NBR1: variants seen among roughly 807,000 people sequenced by gnomAD.
NBR1 encodes the protein next to BRCA1 gene 1 protein.
A neutral mutation model predicts 115.5 loss-of-function variants in NBR1; 59 were observed. That is an observed-to-expected ratio of 0.51 (90% CI 0.41 to 0.63). NBR1 has a LOEUF of 0.63. NBR1 is among the 30% of genes least tolerant of loss of function. The pLI is 0.00. For missense variants in NBR1, 1,043 were observed against 1,150.5 expected (o/e 0.91, Z 1.35); for synonymous variants, 373 against 414.7 (o/e 0.90, Z 1.22).
At position 43,189,608 on chromosome 17, in the gene NBR1, C is replaced by A. The variant is rs36054317; in HGVS notation, c.501C>A (p.Asn167Lys). Residue 167 changes from asparagine to lysine, a missense_variant, in exon 8 of 21, where the codon AAC becomes AAA. Physicochemically the swap from Asn to Lys is moderately conservative, Grantham distance 94. Transcript: ENST00000590996. ...YLETFREQVV[N>K]ETVEKLEQKL... ...TCTAGTTCAGAGAACAAGTGGTTAA[C>A]GAAACGGTTGAGAAGCTTGAACAGA... The A allele has an allele frequency of 9.9e-6, 16 of 1,613,698 alleles. No homozygotes were observed.
At chr17:43,201,817 C>A (rs773102946) in intron 18 of NBR1, 37 bp downstream of exon 18, 2 of 1,202,452 alleles carry the variant, frequency 1.7e-6, no homozygotes, top group Non-Finnish European at 2.5e-6. Context: ...TTTTTCTCTG[C>A]TCCTGTCTAA....
intron 2 of NBR1, 104 bp downstream of exon 2, chr17:43,176,005 A>G (rs2056507392): frequency 3.1e-6 from 2 of 655,014 alleles, no homozygotes; most frequent in East Asian, 5.8e-5. Flanking sequence ...AGTCTGTCAT[A>G]GTTACCATTT....
At chr17:43,196,726 C>T in intron 15 of NBR1, 135 bp downstream of exon 15, 1 of 856,994 alleles carries the variant, frequency 1.2e-6, no homozygotes. Flanking sequence ...GTTTTGAAGT[C>T]TCCTCACCTT....
intron 16 of NBR1, among the ~76,000 whole-genome samples, chr17:43,197,394 C>T (rs1335167328): frequency 6.6e-6 from 1 of 151,982 alleles, no homozygotes; most frequent in Non-Finnish European, 1.5e-5. Context: ...TGGCGGGTGC[C>T]TGTAGTCCCA....
chr17:43,193,644 C>T lies in NBR1; in HGVS notation c.1524+6C>T. On this transcript the variant is annotated splice_donor_region_variant and intron_variant, in intron 12 of 20. Coordinates refer to ENST00000590996, the MANE Select transcript of NBR1 (RefSeq NM_005899.5). ...ATCTCACCTGCCAGCAAGAGGTGAG[C>T]ATTGACTGACAGGCTTTGGCCTAGT... is the stretch of plus-strand genomic sequence containing the variant. 1 of 1,601,090 alleles carries T rather than the reference C, an allele frequency of 6.2e-7. No homozygotes were observed. The highest frequency in any genetic ancestry group is 8.5e-7 in the Non-Finnish European group (1 of 1,173,040).
rs1423891979 is a variant in NBR1, at chr17:43,200,384, T to G, written c.2244T>G (p.Asp748Glu). The change falls in exon 17 of 21, where the codon GAT (aspartate) becomes GAG (glutamate). Residue 748 changes from aspartate (D) to glutamate (E), a missense_variant. By Grantham distance (45) the Asp-to-Glu change is conservative. Transcript: ENST00000590996. ...TTGATACCAGCCGCCCCCTGGGGGA[T>G]TCTATGTACAGCTCTGCGCTCTCAC... ...ECFDTSRPLG[D>E]SMYSSALSQP... The G allele has an allele frequency of 6.3e-7, 1 of 1,584,846 alleles. No individual in the cohort carries two copies. The highest frequency in any genetic ancestry group is 8.6e-7 in the Non-Finnish European group (1 of 1,165,760).
At chr17:43,179,076 A>G (rs906157888) in intron 3 of NBR1, among the ~76,000 whole-genome samples, 33 of 152,300 alleles carry the variant, frequency 2.2e-4, no homozygotes, top group Admixed American at 1.1e-3. Flanking sequence ...AAACTGAGGC[A>G]CAGAGAGGTG....
rs910582969 is a variant in NBR1, at chr17:43,182,983, C to T, written c.207+2166C>T. 4.6e-5 allele frequency among the ~76,000 whole-genome samples: 7 copies of T among 151,460 alleles called. 1 individual carries two copies. Among genetic ancestry groups the T allele is most frequent in the African/African-American group, 1.5e-4 (6 of 40,982 alleles). ...TTCACCATGTTGGCCAGGCTCATCTCGAACTCCTGACCTCCGGTGATCCTC... is the reference window on the plus strand; with the variant it reads ...TTCACCATGTTGGCCAGGCTCATCTTGAACTCCTGACCTCCGGTGATCCTC... On this transcript the variant is annotated intron_variant, in intron 5 of 20. Transcript: ENST00000590996.
At chr17:43,188,353 G>A (rs979108890) in intron 6 of NBR1, among the ~76,000 whole-genome samples, 13 of 152,116 alleles carry the variant, frequency 8.5e-5, no homozygotes, top group African/African-American at 3.1e-4. Context: ...ATAGATTCTG[G>A]ATATTAGCCC....
At chr17:43,203,823 C>T in intron 20 of NBR1, 37 bp downstream of exon 20, 1 of 1,293,926 alleles carries the variant, frequency 7.7e-7, no homozygotes, top group Non-Finnish European at 1.1e-6. Flanking sequence ...AATCTCAACT[C>T]CATGTCACCA....
intron 20 of NBR1, among the ~76,000 whole-genome samples, chr17:43,208,254 T>G (rs1267566904): frequency 1.3e-5 from 2 of 152,144 alleles, no homozygotes; most frequent in Non-Finnish European, 2.9e-5. Flanking sequence ...GGTGAGACTT[T>G]AGAGATGGGC....
At chr17:43,179,289 C>A in intron 3 of NBR1, 105 bp from the exon 4 acceptor site, 1 of 980,086 alleles carries the variant, frequency 1.0e-6, no homozygotes, top group Non-Finnish European at 1.6e-6. Flanking sequence ...AAAAGCTGAA[C>A]GCTTGGCCTG....
At position 43,210,832 on chromosome 17, in the gene NBR1, A is replaced by G. The variant is rs897443552; in HGVS notation, c.*758A>G. ...TATAGGTATTGTGAAATATTTTGCT[A>G]ATCTTATAGAAAAGGAAAAAATCCC... is the stretch of plus-strand genomic sequence containing the variant. On this transcript the variant is annotated 3_prime_UTR_variant, in exon 21 of 21. Coordinates refer to ENST00000590996, the MANE Select transcript of NBR1 (RefSeq NM_005899.5). 5.0e-6 allele frequency: 2 copies of G among 397,882 alleles called. No individual in the cohort carries two copies. The highest frequency in any genetic ancestry group is 2.1e-5 in the African/African-American group (1 of 48,626). The allele number at this position is 397,882 out of a possible 1,614,324, so 24.6% of individuals were successfully genotyped here. A position where few individuals can be genotyped will look rare whatever the true frequency, so the allele number is the denominator to read the frequency against.
At chr17:43,208,280 G>A (rs180730476) in intron 20 of NBR1, among the ~76,000 whole-genome samples, 1 of 152,322 alleles carries the variant, frequency 6.6e-6, no homozygotes, top group African/African-American at 2.4e-5. Context: ...AGCAGTGAAA[G>A]AGGTTAATGA....
Position 43,210,641 on chromosome 17 carries a change from C to T in NBR1, c.*567C>T, listed in dbSNP as rs2057400471. ...TTTTCCTGCAATACTTAATAATTGG[C>T]ACCGTTGCTTTCTAAAGACTCCATG... On this transcript the variant is annotated 3_prime_UTR_variant, in exon 21 of 21. Coordinates refer to ENST00000590996, the MANE Select transcript of NBR1 (RefSeq NM_005899.5). 1.0e-5 allele frequency: 4 copies of T among 398,510 alleles called. No homozygotes were observed. The East Asian group carries it at 1.4e-4, about 14-fold the overall frequency. The allele number at this position is 398,510 out of a possible 1,614,324, so 24.7% of individuals were successfully genotyped here.
chr17:43,200,749 A>T lies in NBR1; in HGVS notation c.2468+141A>T. 3 of 713,624 alleles carry T rather than the reference A, an allele frequency of 4.2e-6. No individual in the cohort carries two copies. The South Asian group carries it at 7.2e-5, about 17-fold the overall frequency. The allele number at this position is 713,624 out of a possible 1,614,324, so 44.2% of individuals were successfully genotyped here. On this transcript the variant is annotated intron_variant, in intron 17 of 20. Transcript: ENST00000590996. ...GCAAAGTCTGAATTTAGATGAATAA[A>T]AGTTGTATTTCCCAGTATTTGTGGA...
intron 1 of NBR1, among the ~76,000 whole-genome samples, chr17:43,173,805 G>T (rs1374798044): frequency 6.6e-6 from 1 of 152,034 alleles, no homozygotes; most frequent in South Asian, 2.1e-4. Flanking sequence ...TTCCCAGTTT[G>T]TGTGCTCCTC....
chr17:43,210,507 T>G lies in NBR1; in HGVS notation c.*433T>G. The G allele has an allele frequency of 2.5e-6, 1 of 397,902 alleles. No homozygotes were observed. The highest frequency in any genetic ancestry group is 4.4e-6 in the Non-Finnish European group (1 of 225,996). 24.6% of individuals were successfully genotyped at this position (397,902 alleles called of 1,614,324 possible). On this transcript the variant is annotated 3_prime_UTR_variant, in exon 21 of 21. Coordinates refer to ENST00000590996, the MANE Select transcript of NBR1 (RefSeq NM_005899.5). Reference sequence around the variant, plus strand: ...TAAGAATTATTCTCATAATTCTTATTCTCATAATTTCTGTAATCCACCTCA... The same window carrying G: ...TAAGAATTATTCTCATAATTCTTATGCTCATAATTTCTGTAATCCACCTCA...
At chr17:43,204,813 T>TAAAAA (rs1214948352) in intron 20 of NBR1, among the ~76,000 whole-genome samples, 6 of 122,256 alleles carry the variant, frequency 4.9e-5, no homozygotes, top group African/African-American at 9.4e-5. Context: ...GACTCCATCT[T>TAAAAA]AAAAAAAAAA....
Sources: gnomAD v4.1 joint callset for allele counts (sites outside exome capture counted in the v4.1 genomes callset) on GRCh38, gnomAD v4.1.1 for gene constraint, MANE v1.5 for transcripts, NCBI Gene and HGNC (gene_info 2026-07-23, HGNC 2026-07-21) for gene names.